The following PLCL1 variants were observed in gnomAD, a reference collection of about 807,000 sequenced individuals.
The protein encoded by PLCL1 is phospholipase C like 1 (inactive).
In PLCL1, 41 loss-of-function variants were observed where a neutral mutation model predicts 84.4. The ratio of observed to expected loss-of-function variants is 0.49; its 90% confidence interval spans 0.38 to 0.63. The LOEUF (loss-of-function observed/expected upper bound fraction) is 0.63. PLCL1 is among the 30% of genes least tolerant of loss of function. The pLI, the probability that PLCL1 is intolerant of heterozygous loss-of-function variation, is 0.00. For missense variants in PLCL1, 1,206 were observed against 1,367.8 expected (o/e 0.88, Z 1.87); for synonymous variants, 490 against 488.3 (o/e 1.00, Z -0.05).
chr2:197,903,848 G>A (rs1347959129), intron 1 of PLCL1, among the ~76,000 whole-genome samples: 1 of 142,668 alleles, frequency 7.0e-6, no homozygotes, highest in Non-Finnish European at 1.5e-5. Context: ...TGTCGACCAG[G>A]CTGGAGTGCA....
chr2:198,051,101 G>A (rs1398708157), intron 1 of PLCL1, among the ~76,000 whole-genome samples: 1 of 152,128 alleles, frequency 6.6e-6, no homozygotes, highest in Non-Finnish European at 1.5e-5. Context: ...ACAAAATGAA[G>A]TCAAATTGAA....
At chr2:198,114,732 C>T (rs1693697998) in intron 5 of PLCL1, among the ~76,000 whole-genome samples, 1 of 151,690 alleles carries the variant, frequency 6.6e-6, no homozygotes, top group Non-Finnish European at 1.5e-5. Context: ...CAAAAATGGG[C>T]TACATCTATC....
chr2:197,841,351 A>G (rs1464681092), intron 1 of PLCL1, among the ~76,000 whole-genome samples: 1 of 152,190 alleles, frequency 6.6e-6, no homozygotes, highest in Non-Finnish European at 1.5e-5. Flanking sequence ...CACCGTCCTG[A>G]AAATCTCCTG....
intron 1 of PLCL1, among the ~76,000 whole-genome samples, chr2:197,923,099 A>G (rs866792740): frequency 1.8e-5 from 1 of 55,444 alleles, no homozygotes; most frequent in Non-Finnish European, 3.5e-5. Flanking sequence ...CCACCTCCCT[A>G]CCGGACGGGG....
At chr2:197,962,708 G>A (rs1260616595) in intron 1 of PLCL1, among the ~76,000 whole-genome samples, 1 of 151,764 alleles carries the variant, frequency 6.6e-6, no homozygotes, top group Admixed American at 6.6e-5. Flanking sequence ...GTATGATTTT[G>A]TACCCATTAA....
intron 1 of PLCL1, among the ~76,000 whole-genome samples, chr2:197,897,131 T>A (rs536286975): frequency 3.3e-5 from 1 of 30,466 alleles, no homozygotes; most frequent in East Asian, 4.5e-4. Flanking sequence ...TTCTTCTTCT[T>A]CTTCTTCTTC....
intron 1 of PLCL1, among the ~76,000 whole-genome samples, chr2:197,820,297 CA>C (rs1322358108): frequency 6.6e-6 from 1 of 152,092 alleles, no homozygotes; most frequent in African/African-American, 2.4e-5. Flanking sequence ...TAAGTTGCTA[CA>C]AACTTAGTGG....
At chr2:197,938,738 T>C (rs1380787792) in intron 1 of PLCL1, among the ~76,000 whole-genome samples, 3 of 152,186 alleles carry the variant, frequency 2.0e-5, no homozygotes, top group Non-Finnish European at 4.4e-5. Flanking sequence ...GCAGGGCTGA[T>C]TGGATCTGAG....
intron 1 of PLCL1, chr2:198,070,990 T>A (rs1287728971): frequency 1.2e-6 from 1 of 839,026 alleles, no homozygotes; most frequent in African/African-American, 1.8e-5. Flanking sequence ...AGATAACCAC[T>A]ATCACCAATT....
intron 1 of PLCL1, among the ~76,000 whole-genome samples, chr2:198,030,304 T>G (rs1181488307): frequency 1.3e-5 from 2 of 152,164 alleles, no homozygotes; most frequent in East Asian, 1.9e-4. Context: ...CTAAAGATAA[T>G]GGCCTCCATC....
At chr2:198,076,765 T>G (rs1357889902) in intron 1 of PLCL1, among the ~76,000 whole-genome samples, 2 of 152,168 alleles carry the variant, frequency 1.3e-5, no homozygotes, top group Admixed American at 6.5e-5. Context: ...TTGGGAAAAT[T>G]TAACGTGAAA....
intron 5 of PLCL1, among the ~76,000 whole-genome samples, chr2:198,125,925 G>A (rs1405607017): frequency 1.3e-5 from 2 of 152,172 alleles, no homozygotes; most frequent in African/African-American, 4.8e-5. Flanking sequence ...GAACAGACGT[G>A]TAAATTTTTG....
chr2:197,981,592 G>T (rs1011798820), intron 1 of PLCL1, among the ~76,000 whole-genome samples: 4 of 152,086 alleles, frequency 2.6e-5, no homozygotes, highest in African/African-American at 9.7e-5. Context: ...TTGGACTTTT[G>T]ATTTTCCATC....
intron 1 of PLCL1, among the ~76,000 whole-genome samples, chr2:197,835,364 T>G (rs1691163665): frequency 6.6e-6 from 1 of 152,192 alleles, no homozygotes; most frequent in African/African-American, 2.4e-5. Context: ...AAGTAGATAG[T>G]TTTGTGACAT....
At chr2:198,102,053 G>A (rs1693355149) in intron 4 of PLCL1, among the ~76,000 whole-genome samples, 1 of 151,990 alleles carries the variant, frequency 6.6e-6, no homozygotes, top group African/African-American at 2.4e-5. Context: ...TTATAGATGA[G>A]GCATCTGAGA....
chr2:197,821,523 C>T (rs1388044624), intron 1 of PLCL1, among the ~76,000 whole-genome samples: 2 of 152,100 alleles, frequency 1.3e-5, no homozygotes, highest in South Asian at 2.1e-4. Flanking sequence ...ATTTTTTGCT[C>T]TTCTTTTTGG....
intron 1 of PLCL1, among the ~76,000 whole-genome samples, chr2:198,050,978 A>G (rs1465040969): frequency 6.6e-6 from 1 of 152,228 alleles, no homozygotes; most frequent in Non-Finnish European, 1.5e-5. Context: ...CCATATAATT[A>G]TTTGAAGGGA....
intron 1 of PLCL1, among the ~76,000 whole-genome samples, chr2:197,992,834 ATGT>A (rs1278314337): frequency 6.6e-5 from 10 of 152,130 alleles, no homozygotes; most frequent in Non-Finnish European, 1.3e-4. Flanking sequence ...GTTTTCATTC[ATGT>A]TGTAGCATGT....
At chr2:197,844,158 A>G (rs1469660309) in intron 1 of PLCL1, among the ~76,000 whole-genome samples, 1 of 152,168 alleles carries the variant, frequency 6.6e-6, no homozygotes, top group African/African-American at 2.4e-5. Flanking sequence ...AAGTGGTACA[A>G]ACCTCAAATA....
Sources: gnomAD v4.1 joint callset for allele counts (sites outside exome capture counted in the v4.1 genomes callset) on GRCh38, gnomAD v4.1.1 for gene constraint, MANE v1.5 for transcripts, NCBI Gene and HGNC (gene_info 2026-07-23, HGNC 2026-07-21) for gene names.